Variants in PLAC8 observed in about 807,000 individuals in gnomAD.
The protein encoded by PLAC8 is placenta-specific gene 8 protein.
In PLAC8, 6 loss-of-function variants were observed where a neutral mutation model predicts 12.6. The observed-to-expected ratio is 0.48, with a 90% confidence interval of 0.26 to 0.94. The LOEUF (loss-of-function observed/expected upper bound fraction) is 0.94. PLAC8 is among the 40% of genes least tolerant of loss of function. The pLI, the probability that PLAC8 is intolerant of heterozygous loss-of-function variation, is 0.14. For missense variants in PLAC8, 122 were observed against 152.7 expected, an observed-to-expected ratio of 0.80 and a Z score of 1.06; for synonymous variants, 54 against 52.6, an observed-to-expected ratio of 1.03 and a Z score of -0.11.
intron 3 of PLAC8, among the ~76,000 whole-genome samples, chr4:83,100,300 T>C (rs1732064325): frequency 1.4e-5 from 2 of 143,120 alleles, no homozygotes; most frequent in Non-Finnish European, 1.5e-5. Context: ...AAAAAAAATG[T>C]GTAGCACCTC....
intron 1 of PLAC8, among the ~76,000 whole-genome samples, chr4:83,110,751 C>T (rs1407568013): frequency 6.6e-6 from 1 of 152,256 alleles, no homozygotes; most frequent in African/African-American, 2.4e-5. Flanking sequence ...CCCTAAATCC[C>T]AACTCCAGTA....
intron 3 of PLAC8, among the ~76,000 whole-genome samples, chr4:83,096,901 T>C (rs750679507): frequency 6.6e-6 from 1 of 152,200 alleles, no homozygotes; most frequent in Non-Finnish European, 1.5e-5. Flanking sequence ...GAGACTCTCA[T>C]GAAGATGGGC....
chr4:83,099,683 G>A (rs1307351316), intron 3 of PLAC8, among the ~76,000 whole-genome samples: 1 of 151,930 alleles, frequency 6.6e-6, no homozygotes, highest in East Asian at 1.9e-4. Flanking sequence ...GTGAGTTCTC[G>A]TGAGATCTGG....
In PLAC8 at chr4:83,106,875, C is replaced by G. The variant is rs778376446; in HGVS notation, c.118+929G>C. 1.1e-4 allele frequency among the ~76,000 whole-genome samples: 16 copies of G among 152,182 alleles called. 1 individual carries two copies. The highest frequency in any genetic ancestry group is 1.8e-4 in the Non-Finnish European group (12 of 68,034). On this transcript the variant is annotated intron_variant, in intron 2 of 4. Transcript: ENST00000311507. ...CCTCCAAGTTCATTTAGAGACATCT[C>G]TAAGTAAGAGATCTTTTAAGGAGAT...
At position 83,106,160 on chromosome 4, in the gene PLAC8, C is replaced by T. The variant is rs545973414; in HGVS notation, c.119-1140G>A. Among the ~76,000 whole-genome samples the T allele has an allele frequency of 5.9e-5, 9 of 151,984 alleles. No homozygotes were observed. The East Asian group carries it at 1.4e-3, about 23-fold the overall frequency. On this transcript the variant is annotated intron_variant, in intron 2 of 4. Coordinates refer to ENST00000311507, the MANE Select transcript of PLAC8 (RefSeq NM_016619.3). ...GACTACAGGCACCCACCACCATGCCCGGTTAATTTTTGTATTTTTTAGTAG... is the reference window on the plus strand; with the variant it reads ...GACTACAGGCACCCACCACCATGCCTGGTTAATTTTTGTATTTTTTAGTAG...
chr4:83,108,853 T>C (rs1732334108), intron 1 of PLAC8, among the ~76,000 whole-genome samples: 1 of 152,222 alleles, frequency 6.6e-6, no homozygotes, highest in African/African-American at 2.4e-5. Flanking sequence ...TAATTTATTC[T>C]TTTTTGTTTT....
At chr4:83,100,198 G>A (rs1350256494) in intron 3 of PLAC8, among the ~76,000 whole-genome samples, 43 of 147,226 alleles carry the variant, frequency 2.9e-4, no homozygotes, top group Admixed American at 7.5e-4. Flanking sequence ...GGAGAATGGC[G>A]TGAACCCAGG....
intron 3 of PLAC8, among the ~76,000 whole-genome samples, 155 bp from the exon 4 acceptor site, chr4:83,094,946 ATGT>A (rs1731890033): frequency 6.6e-6 from 1 of 152,206 alleles, no homozygotes; most frequent in South Asian, 2.1e-4. Context: ...TTTCACATAA[ATGT>A]TGTCTCATTT....
chr4:83,108,079 T>C (rs910831992), intron 1 of PLAC8, 129 bp from the exon 2 acceptor site: 20 of 225,100 alleles, frequency 8.9e-5, no homozygotes, highest in East Asian at 7.3e-4. Flanking sequence ...GGCACATGTA[T>C]ACATATGTAA....
chr4:83,095,618 G>A (rs1307038494), intron 3 of PLAC8, among the ~76,000 whole-genome samples: 1 of 152,126 alleles, frequency 6.6e-6, no homozygotes, highest in Non-Finnish European at 1.5e-5. Flanking sequence ...GCGGGAGGAG[G>A]AGAAAATAGA....
intron 1 of PLAC8, among the ~76,000 whole-genome samples, chr4:83,111,556 C>T (rs1458310423): frequency 6.6e-6 from 1 of 152,026 alleles, no homozygotes; most frequent in Non-Finnish European, 1.5e-5. Flanking sequence ...TTTTTTCCCT[C>T]TTGGCCCTTA....
intron 3 of PLAC8, among the ~76,000 whole-genome samples, chr4:83,099,841 C>CA (rs57432177): frequency 0.46 from 60,977 of 132,456 alleles, 13,576 homozygotes; most frequent in Admixed American, 0.53. Context: ...ACTAAAAATA[C>CA]AAAAAAAAAA....
intron 2 of PLAC8, among the ~76,000 whole-genome samples, chr4:83,107,089 A>T (rs1302745196): frequency 1.3e-5 from 2 of 151,960 alleles, no homozygotes; most frequent in African/African-American, 4.8e-5. Flanking sequence ...AATCCCAGCT[A>T]CTCAGGAGGC....
intron 3 of PLAC8, among the ~76,000 whole-genome samples, chr4:83,099,902 A>G (rs1048111511): frequency 4.6e-5 from 7 of 151,378 alleles, no homozygotes; most frequent in African/African-American, 1.7e-4. Context: ...GCTACTCAGG[A>G]GGCTGAGGCA....
rs1242411087 is a variant in PLAC8 at position 83,101,374 on chromosome 4, G to A, written c.243+3522C>T. On this transcript the variant is annotated intron_variant, in intron 3 of 4. Transcript: ENST00000311507. ...TCCAGCCTGACGACAGAGCGAGACT[G>A]CATCTCAAAACAAAAACAAAAACAA... Among the ~76,000 whole-genome samples the A allele has an allele frequency of 2.0e-5, 3 of 152,240 alleles. No homozygotes were observed. The South Asian group carries it at 6.2e-4, about 32-fold the overall frequency.
chr4:83,102,516 G>C (rs565247031), intron 3 of PLAC8, among the ~76,000 whole-genome samples: 2 of 152,192 alleles, frequency 1.3e-5, no homozygotes, highest in African/African-American at 4.8e-5. Context: ...TCCAGCCTGG[G>C]TGACAGAGTG....
chr4:83,092,138 C>T (rs953857521), intron 4 of PLAC8, among the ~76,000 whole-genome samples: 7 of 152,096 alleles, frequency 4.6e-5, no homozygotes, highest in Admixed American at 1.3e-4. Context: ...GAGTCAGGAC[C>T]GCCAAGGTAT....
intron 1 of PLAC8, among the ~76,000 whole-genome samples, chr4:83,112,161 G>A (rs1187474819): frequency 1.4e-5 from 2 of 145,622 alleles, no homozygotes; most frequent in Admixed American, 6.8e-5. Context: ...ATGACAGAGC[G>A]AGACTCCGTC....
intron 1 of PLAC8, among the ~76,000 whole-genome samples, chr4:83,109,220 A>G (rs1732343047): frequency 6.6e-6 from 1 of 152,236 alleles, no homozygotes; most frequent in Admixed American, 6.5e-5. Flanking sequence ...GGCTCATTCT[A>G]AAGAATTTGT....
Sources: gnomAD v4.1 joint callset for allele counts (sites outside exome capture counted in the v4.1 genomes callset) on GRCh38, gnomAD v4.1.1 for gene constraint, MANE v1.5 for transcripts, NCBI Gene and HGNC (gene_info 2026-07-23, HGNC 2026-07-21) for gene names.